ANKRD11: variants seen among roughly 807,000 people sequenced by gnomAD.
ANKRD11 encodes the protein ankyrin repeat domain-containing protein 11.
A neutral mutation model predicts 195.7 loss-of-function variants in ANKRD11; 17 were observed. The ratio of observed to expected loss-of-function variants is 0.09; its 90% confidence interval spans 0.06 to 0.13. The LOEUF (loss-of-function observed/expected upper bound fraction) is 0.13, where lower values mean the gene tolerates loss of function less well. Among genes scored for constraint, ANKRD11 ranks in the 10% least tolerant of loss-of-function variants. The pLI is 1.00. For synonymous variants in ANKRD11, 1,953 were observed against 1,528.1 expected (o/e 1.28, Z -6.49); for missense variants, 3,735 against 3,566.1 (o/e 1.05, Z -1.21).
At position 89,280,648 on chromosome 16, in the gene ANKRD11, C is replaced by T. The variant is rs780892836; in HGVS notation, c.5894G>A (p.Gly1965Asp). ...CCAGCTCACAGGGTTTTCAGAGGTG[C>T]CCCCGATCAGGCTAGAGGCAAGCGC... The part of the protein sequence containing the change: ...EQALASSLIG[G>D]TSENPVSWPV... Residue 1965 changes from glycine (G) to aspartate (D), a missense_variant, in exon 9 of 13, where the codon GGC (glycine) becomes GAC (aspartate). By Grantham distance (94) the Gly-to-Asp change is moderately conservative. Transcript: ENST00000301030. 3.1e-6 allele frequency: 5 copies of T among 1,613,486 alleles called. No individual in the cohort carries two copies. The highest frequency in any genetic ancestry group is 2.2e-5 in the South Asian group (2 of 91,086).
chr16:89,436,701 C>G (rs922070244), intron 1 of ANKRD11, among the ~76,000 whole-genome samples: 1 of 152,202 alleles, frequency 6.6e-6, no homozygotes, highest in African/African-American at 2.4e-5. Flanking sequence ...ACTCTCAACA[C>G]TGACAAGTCA....
intron 2 of ANKRD11, among the ~76,000 whole-genome samples, chr16:89,378,473 A>C (rs1400360480): frequency 6.6e-6 from 1 of 152,184 alleles, no homozygotes; most frequent in Non-Finnish European, 1.5e-5. Context: ...TTGAAGCCTA[A>C]CCACAAAAAC....
chr16:89,358,784 T>C (rs2039601270), intron 2 of ANKRD11, among the ~76,000 whole-genome samples: 1 of 151,818 alleles, frequency 6.6e-6, no homozygotes, highest in Non-Finnish European at 1.5e-5. Flanking sequence ...CCTGTGCCGC[T>C]AAAACCCACA....
intron 2 of ANKRD11, among the ~76,000 whole-genome samples, chr16:89,336,473 A>T (rs1340933648): frequency 6.6e-6 from 1 of 152,248 alleles, no homozygotes; most frequent in African/African-American, 2.4e-5. Context: ...GAGGGGCCAG[A>T]CGGAGTCCAG....
chr16:89,284,000 A>C lies in ANKRD11; in HGVS notation c.2542T>G (p.Ser848Ala). The C allele has an allele frequency of 1.2e-6, 2 of 1,614,184 alleles. No individual in the cohort carries two copies. Among genetic ancestry groups the C allele is most frequent in the Non-Finnish European group, 1.7e-6 (2 of 1,180,044 alleles). The change falls in exon 9 of 13, where the codon TCA becomes GCA. Residue 848 changes from serine to alanine, a missense_variant. Physicochemically the swap from Ser to Ala is moderately conservative, Grantham distance 99 (BLOSUM62 1). Transcript: ENST00000301030. This position sits in a 1 kb window ranked among gnomAD's most constrained non-coding sequence, Gnocchi z 4.3. ...RDRWFSDLSD[S>A]SFDFKGEDSW... ...TCCTCCCCTTTGAAATCAAAGGATG[A>C]ATCGGACAAGTCAGAAAACCACCGA...
chr16:89,448,288 A>AT (rs752441309), intron 1 of ANKRD11, among the ~76,000 whole-genome samples: 46 of 152,326 alleles, frequency 3.0e-4, no homozygotes, highest in Non-Finnish European at 5.6e-4. Context: ...TCCATGTAAT[A>AT]TAAAAAGAAA....
intron 1 of ANKRD11, among the ~76,000 whole-genome samples, chr16:89,473,822 G>C (rs2057167148): frequency 6.6e-6 from 1 of 152,182 alleles, no homozygotes; most frequent in Non-Finnish European, 1.5e-5. Flanking sequence ...CAAGGCGGGT[G>C]GGACCTGTGA....
chr16:89,433,016 A>C (rs192957634), intron 1 of ANKRD11, among the ~76,000 whole-genome samples: 19 of 151,656 alleles, frequency 1.3e-4, no homozygotes, highest in African/African-American at 3.9e-4. Flanking sequence ...ACACACACAC[A>C]CACGAAATAT....
At chr16:89,345,293 C>G (rs940593372) in intron 2 of ANKRD11, among the ~76,000 whole-genome samples, 1 of 139,882 alleles carries the variant, frequency 7.1e-6, no homozygotes, top group Non-Finnish European at 1.5e-5. Context: ...AGACCCATCA[C>G]GACAAACGGA....
intron 1 of ANKRD11, among the ~76,000 whole-genome samples, chr16:89,469,615 T>C (rs1341095371): frequency 1.3e-5 from 2 of 151,286 alleles, no homozygotes; most frequent in Non-Finnish European, 2.9e-5. Context: ...AAGGAAAAAG[T>C]AGGCCAGGCG....
At chr16:89,391,356 C>T (rs2041189917) in intron 2 of ANKRD11, among the ~76,000 whole-genome samples, 1 of 152,052 alleles carries the variant, frequency 6.6e-6, no homozygotes, top group Non-Finnish European at 1.5e-5. Flanking sequence ...TGCTGGCAGT[C>T]TTGCGGGACT....
At chr16:89,472,476 G>C (rs1035754055) in intron 1 of ANKRD11, among the ~76,000 whole-genome samples, 1 of 152,154 alleles carries the variant, frequency 6.6e-6, no homozygotes, top group Non-Finnish European at 1.5e-5. Context: ...AAGCTCCGGC[G>C]GCAGAGCAGG....
intron 2 of ANKRD11, among the ~76,000 whole-genome samples, chr16:89,398,510 A>AT (rs1383072804): frequency 3.9e-5 from 6 of 152,196 alleles, no homozygotes; most frequent in Non-Finnish European, 8.8e-5. Flanking sequence ...TGAGCCCAGG[A>AT]GTGTGAGACC....
intron 3 of ANKRD11, among the ~76,000 whole-genome samples, chr16:89,306,671 C>T (rs1345245018): frequency 5.3e-5 from 4 of 75,442 alleles, no homozygotes; most frequent in Admixed American, 1.2e-4. Context: ...TGTGCAGACA[C>T]GTGCCACCTC....
At position 89,412,996 on chromosome 16, in the gene ANKRD11, A is replaced by G. The variant is rs542822708; in HGVS notation, c.-60+5288T>C. ...AAACAGCTGACAGCCAGAGCTCCCA[A>G]TGGGGAGCTCCAATGTTCCAAACCC... is the stretch of plus-strand genomic sequence containing the variant. On this transcript the variant is annotated intron_variant, in intron 2 of 12. Coordinates refer to ENST00000301030, the MANE Select transcript of ANKRD11 (RefSeq NM_013275.6). 1.9e-3 allele frequency among the ~76,000 whole-genome samples: 296 copies of G among 152,192 alleles called. 1 individual carries two copies. Among genetic ancestry groups the G allele is most frequent in the African/African-American group, 6.4e-3 (267 of 41,532 alleles).
At chr16:89,305,665 T>TACCTCCCACTCCGCAGACACACGCC (rs2036154157) in intron 3 of ANKRD11, among the ~76,000 whole-genome samples, 1 of 71,492 alleles carries the variant, frequency 1.4e-5, no homozygotes, top group African/African-American at 5.8e-5. Context: ...AGACACGCGC[T>TACCTCCCACTCCGCAGACACACGCC]ACCTCCCACT....
intron 1 of ANKRD11, among the ~76,000 whole-genome samples, chr16:89,435,542 A>G (rs1170998650): frequency 1.3e-5 from 2 of 152,156 alleles, no homozygotes; most frequent in African/African-American, 4.8e-5. Context: ...CACCAGAAGG[A>G]AAACACTCCA....
chr16:89,318,923 T>A (rs536406820), intron 2 of ANKRD11, among the ~76,000 whole-genome samples: 1 of 152,184 alleles, frequency 6.6e-6, no homozygotes, highest in African/African-American at 2.4e-5. Flanking sequence ...CCTGAACCAA[T>A]GAATTTTACA....
chr16:89,364,671 T>C (rs1463346534), intron 2 of ANKRD11, among the ~76,000 whole-genome samples: 1 of 151,548 alleles, frequency 6.6e-6, no homozygotes, highest in African/African-American at 2.4e-5. Context: ...TAGAAAAAAA[T>C]CTCATAACGT....
Sources: gnomAD v4.1 joint callset for allele counts (sites outside exome capture counted in the v4.1 genomes callset) on GRCh38, gnomAD v4.1.1 for gene constraint, Gnocchi (gnomAD v3.1) non-coding constraint, MANE v1.5 for transcripts, NCBI Gene and HGNC (gene_info 2026-07-23, HGNC 2026-07-21) for gene names.